CIP2A: variants seen among roughly 807,000 people sequenced by gnomAD.
The protein encoded by CIP2A is cellular inhibitor of PP2A, also known as protein CIP2A.
CIP2A carries 103 observed loss-of-function variants against 110.9 expected under a neutral mutation model. That is an observed-to-expected ratio of 0.93 (90% CI 0.79 to 1.09). The LOEUF is 1.09. Ranked by LOEUF, CIP2A falls within the 50% of genes least tolerant of loss-of-function variation. CIP2A has a pLI of 0.00. For missense variants in CIP2A, 1,088 were observed against 1,038.4 expected, an observed-to-expected ratio of 1.05 and a Z score of -0.66; for synonymous variants, 381 against 361.6, an observed-to-expected ratio of 1.05 and a Z score of -0.61.
chr3:108,557,925 C>T (rs1937864354), intron 16 of CIP2A, among the ~76,000 whole-genome samples: 1 of 152,048 alleles, frequency 6.6e-6, no homozygotes, highest in Non-Finnish European at 1.5e-5. Context: ...GCAGAAAAGT[C>T]GCTAGAATAA....
chr3:108,573,511 T>C (rs1390005848), intron 8 of CIP2A, among the ~76,000 whole-genome samples: 1 of 152,006 alleles, frequency 6.6e-6, no homozygotes, highest in East Asian at 1.9e-4. Context: ...AGAATGCTTC[T>C]ACTCCCCTGT....
intron 8 of CIP2A, among the ~76,000 whole-genome samples, chr3:108,575,515 C>A (rs565783480): frequency 1.3e-5 from 1 of 78,730 alleles, no homozygotes; most frequent in Admixed American, 1.6e-4. Flanking sequence ...TATATATACA[C>A]ATACATATAT....
chr3:108,552,987 A>G (rs556341650), intron 19 of CIP2A, among the ~76,000 whole-genome samples: 2 of 152,150 alleles, frequency 1.3e-5, no homozygotes, highest in East Asian at 3.9e-4. Flanking sequence ...CTGGGTGATG[A>G]GATCCATACC....
chr3:108,555,926 C>T (rs962397858), intron 17 of CIP2A, among the ~76,000 whole-genome samples: 3 of 152,184 alleles, frequency 2.0e-5, no homozygotes, highest in Non-Finnish European at 4.4e-5. Context: ...TGGCTGCCTG[C>T]TCCTCCTTAC....
chr3:108,570,574 C>T (rs1576308650), intron 8 of CIP2A, among the ~76,000 whole-genome samples: 1 of 152,134 alleles, frequency 6.6e-6, no homozygotes. Context: ...ATACTGTAGG[C>T]AACTATAACA....
intron 9 of CIP2A, among the ~76,000 whole-genome samples, chr3:108,569,091 T>G (rs1039473037): frequency 9.8e-5 from 14 of 142,210 alleles, no homozygotes; most frequent in African/African-American, 1.0e-4. Context: ...GGAGAGACAA[T>G]GTAACTATCC....
intron 19 of CIP2A, among the ~76,000 whole-genome samples, chr3:108,553,286 C>G (rs1264442094): frequency 6.6e-6 from 1 of 151,694 alleles, no homozygotes; most frequent in Non-Finnish European, 1.5e-5. Flanking sequence ...ACTAACACAC[C>G]TGGCTAAATT....
chr3:108,568,824 G>T (rs964163100), intron 9 of CIP2A, among the ~76,000 whole-genome samples: 1 of 151,878 alleles, frequency 6.6e-6, no homozygotes, highest in African/African-American at 2.4e-5. Flanking sequence ...TTGTTTGTGT[G>T]TAAGACCCAG....
At chr3:108,554,534 A>G in intron 17 of CIP2A, 45 bp from the exon 18 acceptor site, 4 of 787,270 alleles carry the variant, frequency 5.1e-6, no homozygotes, top group South Asian at 1.6e-5. Context: ...GGAGGAAAAC[A>G]TATGAAGGAG....
chr3:108,587,483 G>A (rs1490565366), intron 1 of CIP2A, among the ~76,000 whole-genome samples: 1 of 152,152 alleles, frequency 6.6e-6, no homozygotes, highest in Non-Finnish European at 1.5e-5. Context: ...GAAACCCTAT[G>A]GGGCTAGAAA....
chr3:108,579,490 A>G (rs1284806202), intron 6 of CIP2A, 64 bp from the exon 7 acceptor site: 3 of 1,556,874 alleles, frequency 1.9e-6, no homozygotes, highest in Admixed American at 4.0e-5. Context: ...CCTAAAAGGT[A>G]AAAATAAAAA....
chr3:108,579,644 G>A lies in CIP2A; in HGVS notation c.594C>T (p.Ala198=). 6.2e-7 allele frequency: 1 copy of A among 1,602,074 alleles called. No homozygotes were observed. Among genetic ancestry groups the A allele is most frequent in the Non-Finnish European group, 8.5e-7 (1 of 1,174,676 alleles). ...SFYRTLITLL[A]HSSLTVVVFA... ...ACACAACCACAGTTAAACTACTATG[G>A]GCCAACAAGGTGATAAGAGTTCGAT... Residue 198 remains alanine (A), a synonymous_variant, in exon 6 of 21, where the codon GCC becomes GCT. Coordinates refer to ENST00000295746, the MANE Select transcript of CIP2A (RefSeq NM_020890.3).
chr3:108,582,046 A>G, intron 4 of CIP2A, 62 bp downstream of exon 4: 1 of 759,106 alleles, frequency 1.3e-6, no homozygotes, highest in South Asian at 2.0e-5. Context: ...AATCTACCAC[A>G]TGGTTGTAAT....
Position 108,560,778 on chromosome 3 carries a change from T to G in CIP2A, c.1698A>C (p.Arg566Ser), listed in dbSNP as rs367856552. 6.2e-7 allele frequency: 1 copy of G among 1,613,200 alleles called. No individual in the cohort carries two copies. The highest frequency in any genetic ancestry group is 8.5e-7 in the Non-Finnish European group (1 of 1,179,524). The change falls in exon 14 of 21, where the codon AGA becomes AGC. Residue 566 changes from arginine (R) to serine (S), a missense_variant. Transcript: ENST00000295746. ...GATTTGATGATTGCCAGGGCATTTT[T>G]CTGGGTATATGTTCTGTTTCCTGTT... ...YRQQETEHIP[R>S]KMPWQSSNHS...
chr3:108,587,480 T>C (rs1224904409), intron 1 of CIP2A, among the ~76,000 whole-genome samples: 4 of 152,150 alleles, frequency 2.6e-5, no homozygotes, highest in African/African-American at 9.7e-5. Flanking sequence ...GAAGAAACCC[T>C]ATGGGGCTAG....
chr3:108,579,466 T>A (rs762539646), intron 6 of CIP2A, 40 bp from the exon 7 acceptor site: 2 of 1,569,176 alleles, frequency 1.3e-6, no homozygotes, highest in Non-Finnish European at 1.7e-6. Context: ...GACAAAAAAT[T>A]AAGTTGACAC....
intron 2 of CIP2A, 96 bp downstream of exon 2, chr3:108,584,969 G>A: frequency 8.6e-7 from 1 of 1,166,244 alleles, no homozygotes; most frequent in Admixed American, 2.4e-5. Context: ...CTTTGAAGGT[G>A]AATCATTCTT....
rs749552199 is a variant in CIP2A, at chr3:108,568,191, AT to A, written c.1236del (p.Lys412AsnfsTer13). The A allele has an allele frequency of 6.2e-7, 1 of 1,612,096 alleles. No individual in the cohort carries two copies. The highest frequency in any genetic ancestry group is 2.2e-5 in the East Asian group (1 of 44,816). On this transcript the variant is annotated frameshift_variant, in exon 10 of 21. Transcript: ENST00000295746. LOFTEE classifies it high-confidence loss of function. The part of the protein sequence containing the change: ...QNLDEALTRK[K>X]CERIAKAIEV... The stretch of plus-strand genomic sequence containing the variant: ...TCAATGGCCTTGGCAATCCTTTCAC[AT>A]TTTTTTCTTGTTAAAGCCTCATCTA...
Position 108,550,226 on chromosome 3 carries a change from TAAAG to T in CIP2A, c.*919_*922del, listed in dbSNP as rs2083879912. 1 of 151,418 alleles carries T rather than the reference TAAAG, an allele frequency of 6.6e-6. No individual in the cohort carries two copies. The highest frequency in any genetic ancestry group is 2.4e-5 in the African/African-American group (1 of 41,384). 9.4% of individuals were successfully genotyped at this position (151,418 alleles called of 1,614,324 possible). On this transcript the variant is annotated 3_prime_UTR_variant, in exon 21 of 21. Transcript: ENST00000295746. ...AAGGACCCTTGTATTTTAAAAAAAA[TAAAG>T]ATATTTAACCTATGCTTTAAAATTA...
Sources: allele counts gnomAD v4.1 joint callset (sites outside exome capture counted in the v4.1 genomes callset), GRCh38; gene constraint gnomAD v4.1.1; transcripts MANE v1.5; gene names NCBI Gene and HGNC (gene_info 2026-07-23, HGNC 2026-07-21).